The following RBFOX1 variants were observed in gnomAD, a reference collection of about 807,000 sequenced individuals.
The protein encoded by RBFOX1 is RNA binding fox-1 homolog 1, also known as RNA binding protein fox-1 homolog 1.
In RBFOX1, 8 loss-of-function variants were observed where a neutral mutation model predicts 57.7. The observed-to-expected ratio is 0.14, with a 90% confidence interval of 0.08 to 0.25. The LOEUF is 0.25. Ranked by LOEUF, RBFOX1 falls within the 10% of genes least tolerant of loss-of-function variation. RBFOX1 has a pLI of 1.00. For synonymous variants in RBFOX1, 326 were observed against 222.4 expected (o/e 1.47, Z -4.15); for missense variants, 611 against 548.5 (o/e 1.11, Z -1.14).
At chr16:7,475,308 T>A (rs1466155559) in intron 4 of RBFOX1, among the ~76,000 whole-genome samples, 1 of 147,408 alleles carries the variant, frequency 6.8e-6, no homozygotes, top group Non-Finnish European at 1.5e-5. Context: ...GGATGGGCAT[T>A]CTTTTTTTTT....
intron 1 of RBFOX1, among the ~76,000 whole-genome samples, chr16:6,067,498 C>A (rs1000032236): frequency 6.6e-6 from 1 of 152,110 alleles, no homozygotes; most frequent in Admixed American, 6.5e-5. Context: ...ACTTGTCTTA[C>A]CTGTGTGATG....
chr16:6,468,645 A>G (rs1465217975), intron 2 of RBFOX1, among the ~76,000 whole-genome samples: 1 of 152,172 alleles, frequency 6.6e-6, no homozygotes, highest in Non-Finnish European at 1.5e-5. Flanking sequence ...AAAAACAAAT[A>G]AAACCATTTT....
At chr16:6,966,827 C>A (rs1409530993) in intron 3 of RBFOX1, among the ~76,000 whole-genome samples, 1 of 149,402 alleles carries the variant, frequency 6.7e-6, no homozygotes, top group Non-Finnish European at 1.5e-5. Flanking sequence ...GTCTATCTAT[C>A]TGTCTATCTA....
intron 4 of RBFOX1, among the ~76,000 whole-genome samples, chr16:7,467,482 C>A (rs2060743627): frequency 6.6e-6 from 1 of 152,122 alleles, no homozygotes; most frequent in African/African-American, 2.4e-5. Context: ...GAACATTCAA[C>A]CCTTAGAATG....
chr16:6,881,692 C>G (rs1300909071), intron 3 of RBFOX1, among the ~76,000 whole-genome samples: 1 of 152,262 alleles, frequency 6.6e-6, no homozygotes, highest in African/African-American at 2.4e-5. Flanking sequence ...AAGACTTCAA[C>G]GTCTTAACGT....
intron 4 of RBFOX1, chr16:7,422,945 C>T (rs981359681): frequency 2.0e-5 from 3 of 152,320 alleles, no homozygotes; most frequent in African/African-American, 7.2e-5. Flanking sequence ...CTGTGGCCCA[C>T]ACTTTTGCCC....
intron 1 of RBFOX1, among the ~76,000 whole-genome samples, chr16:5,452,936 C>G (rs1364569398): frequency 6.6e-6 from 1 of 152,128 alleles, no homozygotes; most frequent in Non-Finnish European, 1.5e-5. Flanking sequence ...TCTGCGAAAC[C>G]TTGACTTTTT....
intron 4 of RBFOX1, among the ~76,000 whole-genome samples, chr16:7,272,565 C>T (rs2095345009): frequency 6.6e-6 from 1 of 152,212 alleles, no homozygotes; most frequent in South Asian, 2.1e-4. Context: ...AGGCAACTAT[C>T]ACTTGCCAGG....
At chr16:6,826,786 T>G (rs1221302261) in intron 3 of RBFOX1, among the ~76,000 whole-genome samples, 3 of 152,206 alleles carry the variant, frequency 2.0e-5, no homozygotes, top group South Asian at 2.1e-4. Context: ...CAAGAATGAC[T>G]TTATGTGAAA....
chr16:7,097,256 A>T (rs2061859666), intron 4 of RBFOX1, among the ~76,000 whole-genome samples: 1 of 152,092 alleles, frequency 6.6e-6, no homozygotes, highest in South Asian at 2.1e-4. Context: ...GGTGGTTAGA[A>T]GGCCATTGTG....
rs142820418 is a variant in RBFOX1 at position 6,136,048 on chromosome 16, G to A, written c.-127+116056G>A. On this transcript the variant is annotated intron_variant, in intron 1 of 15. Transcript: ENST00000550418. ...GACCTCAAGTGATCTGCTTGCCTTG[G>A]CCTCCCAACGTGCTGGGATTACAGG... Among the ~76,000 whole-genome samples the A allele has an allele frequency of 6.0e-3, 907 of 152,120 alleles. 4 individuals carry two copies. The highest frequency in any genetic ancestry group is 9.3e-3 in the Non-Finnish European group (634 of 67,968).
intron 2 of RBFOX1, among the ~76,000 whole-genome samples, chr16:6,488,014 C>G (rs960029771): frequency 6.6e-6 from 1 of 151,992 alleles, no homozygotes; most frequent in African/African-American, 2.4e-5. Context: ...GATATACACT[C>G]AAAAAGCTCA....
At chr16:6,081,245 A>G (rs527459954) in intron 1 of RBFOX1, among the ~76,000 whole-genome samples, 73 of 152,292 alleles carry the variant, frequency 4.8e-4, no homozygotes, top group African/African-American at 1.7e-3. Context: ...GGTTCAGGTT[A>G]AAAGCGCCTA....
intron 3 of RBFOX1, among the ~76,000 whole-genome samples, chr16:6,816,422 A>ATT (rs34666559): frequency 0.016 from 2,227 of 140,722 alleles, 51 homozygotes; most frequent in African/African-American, 0.055. Flanking sequence ...CCTTCATGTA[A>ATT]TTTTTTTTTT....
intron 2 of RBFOX1, among the ~76,000 whole-genome samples, chr16:6,337,654 G>C (rs576812287): frequency 1.3e-5 from 2 of 152,250 alleles, no homozygotes; most frequent in South Asian, 4.1e-4. Flanking sequence ...TATTGTCTCT[G>C]TTTTCTCTCT....
intron 3 of RBFOX1, among the ~76,000 whole-genome samples, chr16:6,707,637 G>T (rs1163689049): frequency 6.6e-6 from 1 of 152,076 alleles, no homozygotes; most frequent in Non-Finnish European, 1.5e-5. Context: ...TGGATGAACT[G>T]CCGTCTCCAG....
chr16:7,652,155 C>T (rs889589655), intron 11 of RBFOX1, among the ~76,000 whole-genome samples: 6 of 151,762 alleles, frequency 4.0e-5, no homozygotes, highest in Admixed American at 2.6e-4. Flanking sequence ...CAAGTGTGGT[C>T]ATTATGCTCA....
chr16:7,113,907 T>C (rs2065315505), intron 4 of RBFOX1, among the ~76,000 whole-genome samples: 1 of 152,178 alleles, frequency 6.6e-6, no homozygotes, highest in East Asian at 1.9e-4. Context: ...GCATGGGTGA[T>C]TTCTTTTTAT....
chr16:5,533,621 T>C (rs949606088), intron 2 of RBFOX1, among the ~76,000 whole-genome samples: 4 of 152,172 alleles, frequency 2.6e-5, no homozygotes, highest in African/African-American at 7.2e-5. Flanking sequence ...GGATGAGATA[T>C]TATCACTCCT....
Sources: gnomAD v4.1 joint callset for allele counts (sites outside exome capture counted in the v4.1 genomes callset) on GRCh38, gnomAD v4.1.1 for gene constraint, MANE v1.5 for transcripts, NCBI Gene and HGNC (gene_info 2026-07-23, HGNC 2026-07-21) for gene names.